Variants in EPHA6 observed in about 807,000 individuals in gnomAD.
EPHA6 encodes the protein EPH receptor A6.
Under a neutral mutation model 112.0 loss-of-function variants are expected in EPHA6, and 50 were observed. The ratio of observed to expected loss-of-function variants is 0.45; its 90% CI spans 0.36 to 0.56. The LOEUF (loss-of-function observed/expected upper bound fraction) is 0.56. Ranked by LOEUF, EPHA6 falls within the 20% of genes least tolerant of loss-of-function variation. The probability of loss-of-function intolerance (pLI) is 0.00; values close to 1 mark genes in which losing one functional copy is unlikely to be tolerated. For missense variants in EPHA6, 1,280 were observed against 1,417.4 expected (o/e 0.90, Z 1.56); for synonymous variants, 529 against 490.7 (o/e 1.08, Z -1.03).
At chr3:96,836,194 C>T (rs1324378213) in intron 1 of EPHA6, among the ~76,000 whole-genome samples, 1 of 152,098 alleles carries the variant, frequency 6.6e-6, no homozygotes, top group Non-Finnish European at 1.5e-5. Context: ...CATACTAGTG[C>T]ATGAATAACT....
intron 3 of EPHA6, among the ~76,000 whole-genome samples, chr3:97,060,279 AAT>A (rs1302681526): frequency 6.6e-6 from 1 of 152,190 alleles, no homozygotes; most frequent in Non-Finnish European, 1.5e-5. Flanking sequence ...TTAAATAATC[AAT>A]ATGGTATAGA....
intron 12 of EPHA6, among the ~76,000 whole-genome samples, chr3:97,600,463 G>T (rs572081914): frequency 7.8e-4 from 119 of 151,776 alleles, no homozygotes; most frequent in African/African-American, 2.7e-3. Flanking sequence ...TTTATTGAGA[G>T]TTTTTAGCAT....
At chr3:97,004,993 C>T (rs2043821712) in intron 3 of EPHA6, among the ~76,000 whole-genome samples, 1 of 152,116 alleles carries the variant, frequency 6.6e-6, no homozygotes, top group Admixed American at 6.6e-5. Context: ...GGCATCAGTA[C>T]CATGCGGTTT....
At chr3:97,079,606 T>TAA (rs71113851) in intron 3 of EPHA6, among the ~76,000 whole-genome samples, 3,685 of 113,298 alleles carry the variant, frequency 0.033, 164 homozygotes, top group African/African-American at 0.095. Context: ...AAATTAAAAG[T>TAA]AAAAAAAAAA....
intron 3 of EPHA6, among the ~76,000 whole-genome samples, chr3:97,178,046 G>A (rs2076886617): frequency 6.6e-6 from 1 of 151,900 alleles, no homozygotes; most frequent in South Asian, 2.1e-4. Context: ...TTTCCTTCCT[G>A]TCTTCCACAA....
At chr3:97,090,559 C>T (rs943767000) in intron 3 of EPHA6, among the ~76,000 whole-genome samples, 1 of 152,028 alleles carries the variant, frequency 6.6e-6, no homozygotes, top group East Asian at 1.9e-4. Context: ...AGGCAATCTA[C>T]AGTAACTAAA....
chr3:96,878,316 G>C (rs371477498), intron 2 of EPHA6, among the ~76,000 whole-genome samples: 4 of 152,010 alleles, frequency 2.6e-5, no homozygotes, highest in Non-Finnish European at 5.9e-5. Flanking sequence ...AAAATAGAGA[G>C]AGAGAGGGGG....
At chr3:97,691,544 G>A (rs1398204756) in intron 14 of EPHA6, among the ~76,000 whole-genome samples, 1 of 152,014 alleles carries the variant, frequency 6.6e-6, no homozygotes, top group Non-Finnish European at 1.5e-5. Context: ...TAAGTTGAAC[G>A]AGTGTGGTTA....
chr3:97,181,091 G>C (rs893940225), intron 3 of EPHA6, among the ~76,000 whole-genome samples: 30 of 152,216 alleles, frequency 2.0e-4, no homozygotes, highest in African/African-American at 7.0e-4. Context: ...TGGTTTAAAT[G>C]ATCTTTTTGT....
intron 2 of EPHA6, among the ~76,000 whole-genome samples, chr3:96,984,675 C>T (rs2042950384): frequency 6.6e-6 from 1 of 152,180 alleles, no homozygotes; most frequent in Non-Finnish European, 1.5e-5. Flanking sequence ...GGCAGGCAGG[C>T]CTCCTTGAGC....
At chr3:97,498,733 C>G (rs754463156) in intron 10 of EPHA6, among the ~76,000 whole-genome samples, 2 of 152,144 alleles carry the variant, frequency 1.3e-5, no homozygotes, top group African/African-American at 4.8e-5. Context: ...ACATTAGACT[C>G]TCATAGGAGA....
At chr3:96,862,830 T>C (rs2036085396) in intron 1 of EPHA6, among the ~76,000 whole-genome samples, 1 of 152,012 alleles carries the variant, frequency 6.6e-6, no homozygotes, top group South Asian at 2.1e-4. Flanking sequence ...TCCAGTACTA[T>C]TAAATTTGTG....
intron 10 of EPHA6, among the ~76,000 whole-genome samples, chr3:97,531,740 G>T (rs1025082806): frequency 6.6e-6 from 1 of 151,966 alleles, no homozygotes; most frequent in Admixed American, 6.6e-5. Flanking sequence ...CTAAATATTT[G>T]GTTATTGTTT....
chr3:97,698,558 A>G (rs1399529204), intron 14 of EPHA6, among the ~76,000 whole-genome samples: 2 of 152,210 alleles, frequency 1.3e-5, no homozygotes, highest in Non-Finnish European at 2.9e-5. Context: ...TTTCAGGATA[A>G]CACAATAGAG....
intron 3 of EPHA6, among the ~76,000 whole-genome samples, chr3:97,131,527 C>A (rs2075622357): frequency 6.6e-6 from 1 of 152,116 alleles, no homozygotes; most frequent in South Asian, 2.1e-4. Context: ...TTGGAAAAAT[C>A]TGTGAATTTT....
chr3:97,625,498 G>A (rs1029156997), intron 13 of EPHA6, among the ~76,000 whole-genome samples: 2 of 151,434 alleles, frequency 1.3e-5, no homozygotes, highest in Non-Finnish European at 3.0e-5. Flanking sequence ...ATGAAATTTT[G>A]TTCTATTTTT....
At chr3:97,198,048 A>C (rs1427403002) in intron 3 of EPHA6, among the ~76,000 whole-genome samples, 1 of 152,028 alleles carries the variant, frequency 6.6e-6, no homozygotes, top group Non-Finnish European at 1.5e-5. Flanking sequence ...CCTGCCAGGA[A>C]ATGGGAGTGG....
chr3:97,030,536 T>C (rs2044791100), intron 3 of EPHA6, among the ~76,000 whole-genome samples: 1 of 152,074 alleles, frequency 6.6e-6, no homozygotes, highest in South Asian at 2.1e-4. Flanking sequence ...CCTTAGCCAC[T>C]AAAGTTCTCC....
intron 1 of EPHA6, among the ~76,000 whole-genome samples, 199 bp from the exon 2 acceptor site, chr3:96,866,624 TTA>T (rs1347455093): frequency 6.6e-6 from 1 of 151,716 alleles, no homozygotes; most frequent in Non-Finnish European, 1.5e-5. Context: ...TCTAAATACT[TTA>T]TGCATTTTAT....
Sources: gnomAD v4.1 joint callset for allele counts (sites outside exome capture counted in the v4.1 genomes callset) on GRCh38, gnomAD v4.1.1 for gene constraint, MANE v1.5 for transcripts, NCBI Gene and HGNC (gene_info 2026-07-23, HGNC 2026-07-21) for gene names.